THOC1: variants seen among roughly 807,000 people sequenced by gnomAD.
THOC1 encodes THO complex 1.
Under a neutral mutation model 97.3 loss-of-function variants are expected in THOC1, and 29 were observed. The observed-to-expected ratio is 0.30, with a 90% CI of 0.22 to 0.41. The LOEUF (loss-of-function observed/expected upper bound fraction) is 0.41. THOC1 is among the 10% of genes least tolerant of loss of function. The probability of loss-of-function intolerance (pLI) is 1.00; values close to 1 mark genes in which losing one functional copy is unlikely to be tolerated. For synonymous variants in THOC1, 255 were observed against 257.0 expected (o/e 0.99, Z 0.07); for missense variants, 529 against 761.9 (o/e 0.69, Z 3.60).
At position 242,502 on chromosome 18, in the gene THOC1, G is replaced by A. The variant is rs1911943042; in HGVS notation, c.918+3822C>T. ...AGCATTGTTTCCGGACTATCCCTAAGGAAAAGTCTGACCAGATTCATGTAA... is the reference window on the plus strand; with the variant it reads ...AGCATTGTTTCCGGACTATCCCTAAAGAAAAGTCTGACCAGATTCATGTAA... On this transcript the variant is annotated intron_variant, in intron 11 of 20. Transcript: ENST00000261600. The surrounding 1 kb of genome is among the most constrained non-coding windows in gnomAD (Gnocchi z 4.5). 6.6e-6 allele frequency among the ~76,000 whole-genome samples: 1 copy of A among 151,740 alleles called. No homozygotes were observed. The highest frequency in any genetic ancestry group is 1.5e-5 in the Non-Finnish European group (1 of 67,966).
rs2143235760 is a variant in THOC1, at chr18:242,383, C to G, written c.918+3941G>C. Among the ~76,000 whole-genome samples the G allele has an allele frequency of 6.6e-6, 1 of 150,652 alleles. No individual in the cohort carries two copies. The highest frequency in any genetic ancestry group is 2.0e-4 in the East Asian group (1 of 5,106). The stretch of plus-strand genomic sequence containing the variant: ...ATCCCAGCTACTTGGGAGGCTGAGG[C>G]ACGAGAATCGCTTGAACCCAGGAGG... On this transcript the variant is annotated intron_variant, in intron 11 of 20. Transcript: ENST00000261600. The surrounding 1 kb of genome is among the most constrained non-coding windows in gnomAD (Gnocchi z 4.5).
At chr18:216,458 G>T in intron 19 of THOC1, 28 bp downstream of exon 19, 1 of 1,607,714 alleles carries the variant, frequency 6.2e-7, no homozygotes, top group Non-Finnish European at 8.5e-7. Context: ...CAACTAAAGG[G>T]TATGAAAAGT....
At chr18:243,545 A>T (rs536825) in intron 11 of THOC1, among the ~76,000 whole-genome samples, 27,014 of 151,142 alleles carry the variant, frequency 0.18, 2,658 homozygotes, top group Non-Finnish European at 0.23. Flanking sequence ...CTCAAAAAAA[A>T]ATATATATAT....
Position 242,886 on chromosome 18 carries a change from G to A in THOC1, c.918+3438C>T, listed in dbSNP as rs553556397. Reference sequence around the variant, plus strand: ...CATGTAAGGTACAGAGATGCTGGAAGGCTTCTTTCAGTGCAGCAGTAAAGC... The same window carrying A: ...CATGTAAGGTACAGAGATGCTGGAAAGCTTCTTTCAGTGCAGCAGTAAAGC... On this transcript the variant is annotated intron_variant, in intron 11 of 20. Coordinates refer to ENST00000261600, the MANE Select transcript of THOC1 (RefSeq NM_005131.3). This position sits in a 1 kb window ranked among gnomAD's most constrained non-coding sequence, Gnocchi z 4.5. Among the ~76,000 whole-genome samples the A allele has an allele frequency of 1.1e-4, 16 of 152,294 alleles. No homozygotes were observed. The highest frequency in any genetic ancestry group is 3.9e-4 in the African/African-American group (16 of 41,554).
chr18:239,445 T>C (rs533470814), intron 11 of THOC1, among the ~76,000 whole-genome samples: 2 of 152,178 alleles, frequency 1.3e-5, no homozygotes, highest in South Asian at 4.2e-4. Context: ...GCTGGGATCA[T>C]AGGCACCTGC....
intron 9 of THOC1, among the ~76,000 whole-genome samples, chr18:251,972 T>G (rs1339947054): frequency 6.6e-6 from 1 of 152,254 alleles, no homozygotes; most frequent in Non-Finnish European, 1.5e-5. Flanking sequence ...TGATTGTTTT[T>G]GTGACCAGAA....
intron 9 of THOC1, among the ~76,000 whole-genome samples, chr18:250,292 T>C (rs1456695842): frequency 6.6e-6 from 1 of 152,218 alleles, no homozygotes; most frequent in East Asian, 1.9e-4. Flanking sequence ...AAGAGTTGTC[T>C]ATACTCCATG....
intron 18 of THOC1, among the ~76,000 whole-genome samples, chr18:218,651 GTT>G (rs946705305): frequency 2.0e-5 from 3 of 149,562 alleles, no homozygotes; most frequent in Admixed American, 6.7e-5. Context: ...ATCAGGGGGA[GTT>G]TTTTTTTTCT....
intron 11 of THOC1, among the ~76,000 whole-genome samples, chr18:227,218 CTATT>C (rs1480776516): frequency 6.6e-6 from 1 of 152,024 alleles, no homozygotes; most frequent in Non-Finnish European, 1.5e-5. Flanking sequence ...GGCACAAAGC[CTATT>C]ATAGTCCCAG....
At chr18:265,624 A>G in intron 1 of THOC1, 94 bp from the exon 2 acceptor site, 1 of 995,410 alleles carries the variant, frequency 1.0e-6, no homozygotes, top group Non-Finnish European at 1.4e-6. Context: ...CTTACTAACT[A>G]AAAAATGCTT....
intron 1 of THOC1, 41 bp downstream of exon 1, chr18:267,925 T>C (rs757196886): frequency 3.2e-6 from 5 of 1,575,650 alleles, no homozygotes; most frequent in Non-Finnish European, 8.6e-7. Flanking sequence ...GGACAAAGCA[T>C]AGCGCCGGGT....
In THOC1 at chr18:254,167, C is replaced by A; in HGVS notation, c.603+106G>T. 1.3e-6 allele frequency: 1 copy of A among 783,708 alleles called. No homozygotes were observed. Among genetic ancestry groups the A allele is most frequent in the South Asian group, 1.5e-5 (1 of 66,164 alleles). 48.5% of individuals were successfully genotyped at this position (783,708 alleles called of 1,614,324 possible). ...GCTCAAGCGATCTGCCCACCTCAGC[C>A]TCCCAAAGTGCTAGGATTACAAGTG... is the stretch of plus-strand genomic sequence containing the variant. On this transcript the variant is annotated intron_variant, in intron 8 of 20. Coordinates refer to ENST00000261600, the MANE Select transcript of THOC1 (RefSeq NM_005131.3). This position sits in a 1 kb window ranked among gnomAD's most constrained non-coding sequence, Gnocchi z 4.1.
chr18:216,219 TGG>T (rs1910884040), intron 19 of THOC1: 1 of 314,666 alleles, frequency 3.2e-6, no homozygotes, highest in Non-Finnish European at 5.9e-6. Context: ...CCCAAAGTGC[TGG>T]GATTACAGTC....
At chr18:223,129 A>C (rs1226783123) in intron 17 of THOC1, among the ~76,000 whole-genome samples, 1 of 151,920 alleles carries the variant, frequency 6.6e-6, no homozygotes, top group Non-Finnish European at 1.5e-5. Flanking sequence ...GACTATTAAA[A>C]CCCAAGTTCC....
In THOC1 at chr18:242,442, CA is replaced by C. The variant is rs34534049; in HGVS notation, c.918+3881del. On this transcript the variant is annotated intron_variant, in intron 11 of 20. Coordinates refer to ENST00000261600, the MANE Select transcript of THOC1 (RefSeq NM_005131.3). This position sits in a 1 kb window ranked among gnomAD's most constrained non-coding sequence, Gnocchi z 4.5. ...ACAGTGGGCCAAAAAAAAAGTGTCTCAAAAAAAAAAAAAAAGTTTGTATCAT... is the reference window on the plus strand; with the variant it reads ...ACAGTGGGCCAAAAAAAAAGTGTCTCAAAAAAAAAAAAAAGTTTGTATCAT... Among the ~76,000 whole-genome samples the C allele has an allele frequency of 0.4, 55,269 of 138,182 alleles. 11,379 individuals are homozygous for C. The highest frequency in any genetic ancestry group is 0.56 in the South Asian group (2,495 of 4,454). The allele number at this position is 138,182 out of a possible 152,430, so 90.7% of individuals were successfully genotyped here. A position where few individuals can be genotyped will look rare whatever the true frequency, so the allele number is the denominator to read the frequency against.
At chr18:248,065 G>A in intron 9 of THOC1, 108 bp from the exon 10 acceptor site, 1 of 716,380 alleles carries the variant, frequency 1.4e-6, no homozygotes, top group Non-Finnish European at 2.2e-6. Flanking sequence ...GCTAATGAAA[G>A]TTATCAGAAA....
intron 11 of THOC1, among the ~76,000 whole-genome samples, chr18:230,387 A>G (rs1029963235): frequency 6.6e-6 from 1 of 152,226 alleles, no homozygotes; most frequent in African/African-American, 2.4e-5. Flanking sequence ...GAGACGAACC[A>G]AAGTGGCTAG....
intron 4 of THOC1, among the ~76,000 whole-genome samples, chr18:262,497 CT>C (rs1436189411): frequency 6.6e-6 from 1 of 152,204 alleles, no homozygotes; most frequent in Non-Finnish European, 1.5e-5. Flanking sequence ...CCTTATCCTT[CT>C]CAAAAGTTCC....
At chr18:215,405 T>A in intron 20 of THOC1, 24 bp downstream of exon 20, 1 of 1,596,750 alleles carries the variant, frequency 6.3e-7, no homozygotes, top group East Asian at 2.2e-5. Flanking sequence ...TTTTGTTAAA[T>A]AACCAAGAAA....
Sources: gnomAD v4.1 joint callset for allele counts (sites outside exome capture counted in the v4.1 genomes callset) on GRCh38, gnomAD v4.1.1 for gene constraint, Gnocchi (gnomAD v3.1) non-coding constraint, MANE v1.5 for transcripts, NCBI Gene and HGNC (gene_info 2026-07-23, HGNC 2026-07-21) for gene names.